TXNDC5: variants seen among roughly 807,000 people sequenced by gnomAD.
The protein encoded by TXNDC5 is thioredoxin domain-containing protein 5.
TXNDC5 carries 44 observed loss-of-function variants against 52.6 expected under a neutral mutation model. The observed-to-expected ratio is 0.84, with a 90% CI of 0.66 to 1.08. The LOEUF is 1.08. Ranked by LOEUF, TXNDC5 falls within the 50% of genes least tolerant of loss-of-function variation. The pLI, the probability that TXNDC5 is intolerant of heterozygous loss-of-function variation, is 0.00. For missense variants in TXNDC5, 600 were observed against 565.5 expected, an observed-to-expected ratio of 1.06 and a Z score of -0.62; for synonymous variants, 241 against 234.4, an observed-to-expected ratio of 1.03 and a Z score of -0.26.
chr6:7,892,810 C>G (rs1441351832), intron 4 of TXNDC5, among the ~76,000 whole-genome samples: 1 of 152,242 alleles, frequency 6.6e-6, no homozygotes, highest in African/African-American at 2.4e-5. Context: ...AAACCTCTTT[C>G]CTTTGTAAAT....
chr6:7,905,414 G>GA (rs910224723), intron 1 of TXNDC5, among the ~76,000 whole-genome samples: 1 of 151,274 alleles, frequency 6.6e-6, no homozygotes, highest in Non-Finnish European at 1.5e-5. Flanking sequence ...ATGAGAAGGG[G>GA]AAAAAAAAAG....
At chr6:7,909,970 G>A (rs1345965900) in intron 1 of TXNDC5, 3 of 985,972 alleles carry the variant, frequency 3.0e-6, no homozygotes, top group African/African-American at 1.7e-5. Flanking sequence ...GGAAGTTTGG[G>A]GCGCTGGGCA....
At chr6:7,910,423 G>A in intron 1 of TXNDC5, 91 bp downstream of exon 1, 1 of 1,220,246 alleles carries the variant, frequency 8.2e-7, no homozygotes, top group East Asian at 3.9e-5. Flanking sequence ...GCGTCCACGT[G>A]GCCCCGGGAC....
At chr6:7,909,162 G>C (rs1200679077) in intron 1 of TXNDC5, among the ~76,000 whole-genome samples, 3 of 152,176 alleles carry the variant, frequency 2.0e-5, no homozygotes, top group Non-Finnish European at 4.4e-5. Context: ...CTGAATACAA[G>C]GTTAAGAGAA....
At chr6:7,888,890 G>A (rs1409212081) in intron 6 of TXNDC5, 42 bp from the exon 7 acceptor site, 2 of 1,562,296 alleles carry the variant, frequency 1.3e-6, no homozygotes, top group African/African-American at 1.4e-5. Flanking sequence ...GTCCACTGAG[G>A]TGTTCTGAAT....
At position 7,904,609 on chromosome 6, in the gene TXNDC5, G is replaced by A. The variant is rs138364696; in HGVS notation, c.378C>T (p.Asp126=). The A allele has an allele frequency of 6.8e-6, 11 of 1,614,090 alleles. No homozygotes were observed. Among genetic ancestry groups the A allele is most frequent in the African/African-American group, 4.0e-5 (3 of 74,930 alleles). ...CTCGCACCCCCTGGGCGGAGCACAC[G>A]TCGGAGTGGGCCGTGCAGTCCACTT... The part of the protein sequence containing the change: ...VAKVDCTAHS[D]VCSAQGVRGY... Residue 126 remains aspartate, a synonymous_variant, in exon 2 of 10, where the codon GAC becomes GAT. Transcript: ENST00000379757.
At chr6:7,893,852 G>A (rs893629441) in intron 4 of TXNDC5, among the ~76,000 whole-genome samples, 1 of 152,184 alleles carries the variant, frequency 6.6e-6, no homozygotes, top group African/African-American at 2.4e-5. Flanking sequence ...CTTCTAAGGG[G>A]ATTTCTCTCC....
intron 1 of TXNDC5, among the ~76,000 whole-genome samples, chr6:7,910,267 GC>G (rs1760873297): frequency 6.7e-6 from 1 of 149,432 alleles, no homozygotes; most frequent in Non-Finnish European, 1.5e-5. Context: ...GAGCCGCGGC[GC>G]CCGCGCCCCC....
At chr6:7,893,032 G>T (rs1423713870) in intron 4 of TXNDC5, among the ~76,000 whole-genome samples, 2 of 152,060 alleles carry the variant, frequency 1.3e-5, no homozygotes, top group African/African-American at 4.8e-5. Context: ...TTGTTTTCTC[G>T]ATCTGTATTA....
intron 5 of TXNDC5, among the ~76,000 whole-genome samples, chr6:7,890,206 A>C (rs1312544903): frequency 6.6e-6 from 1 of 152,164 alleles, no homozygotes; most frequent in South Asian, 2.1e-4. Context: ...CAACATTTTC[A>C]TGAAACATCT....
intron 3 of TXNDC5, 63 bp from the exon 4 acceptor site, chr6:7,895,265 A>T (rs1184566600): frequency 6.1e-6 from 9 of 1,487,108 alleles, no homozygotes; most frequent in East Asian, 2.4e-5. Flanking sequence ...ACCATCCAGG[A>T]GGTGACTGTG....
Position 7,899,380 on chromosome 6 carries a change from C to T in TXNDC5, c.519+196G>A, listed in dbSNP as rs145543802. On this transcript the variant is annotated intron_variant, in intron 3 of 9. Coordinates refer to ENST00000379757, the MANE Select transcript of TXNDC5 (RefSeq NM_030810.5). ...GACTTTTGTGCACATTTAGGTATTTCCACACCAAAAAGTTTCTGTAAAAGT... is the reference window on the plus strand; with the variant it reads ...GACTTTTGTGCACATTTAGGTATTTTCACACCAAAAAGTTTCTGTAAAAGT... Among the ~76,000 whole-genome samples the T allele has an allele frequency of 5.9e-5, 9 of 152,268 alleles. No homozygotes were observed. In the East Asian group the frequency reaches 1.5e-3, roughly 26 times the overall value.
At chr6:7,896,949 T>C (rs1419329385) in intron 3 of TXNDC5, among the ~76,000 whole-genome samples, 2 of 152,234 alleles carry the variant, frequency 1.3e-5, no homozygotes, top group Non-Finnish European at 2.9e-5. Context: ...AATGATCTTT[T>C]TTTTTATTCT....
Position 7,897,369 on chromosome 6 carries a change from G to T in TXNDC5, c.520-2167C>A, listed in dbSNP as rs1015641795. On this transcript the variant is annotated intron_variant, in intron 3 of 9. Transcript: ENST00000379757. Reference sequence around the variant, plus strand: ...TTATCCCACGTGAATATTAAAAAATGTATGTACTAAGTTACTTAGGTATAC... The same window carrying T: ...TTATCCCACGTGAATATTAAAAAATTTATGTACTAAGTTACTTAGGTATAC... Among the ~76,000 whole-genome samples, 3 of 152,150 alleles carry T rather than the reference G, an allele frequency of 2.0e-5. No homozygotes were observed. In the East Asian group the frequency reaches 5.8e-4, roughly 29 times the overall value.
chr6:7,891,108 T>C (rs554421515), intron 5 of TXNDC5, among the ~76,000 whole-genome samples: 2 of 152,330 alleles, frequency 1.3e-5, no homozygotes, highest in Admixed American at 1.3e-4. Flanking sequence ...ACACTGGATA[T>C]TTCCAGAAAA....
At position 7,882,551 on chromosome 6, in the gene TXNDC5, C is replaced by A. The variant is rs568880503; in HGVS notation, c.*593G>T. ...GTCAGAAGTAACGCTGCTTTCATCA[C>A]GGCTAACCTCTCACACTGAGAGAAG... is the stretch of plus-strand genomic sequence containing the variant. On this transcript the variant is annotated 3_prime_UTR_variant, in exon 10 of 10. Coordinates refer to ENST00000379757, the MANE Select transcript of TXNDC5 (RefSeq NM_030810.5). 1 of 152,712 alleles carries A rather than the reference C, an allele frequency of 6.5e-6. No homozygotes were observed. Among genetic ancestry groups the A allele is most frequent in the African/African-American group, 2.4e-5 (1 of 41,462 alleles). The allele number at this position is 152,712 out of a possible 1,614,324, so 9.5% of individuals were successfully genotyped here.
chr6:7,885,517 ACT>A (rs1230676249), intron 8 of TXNDC5, among the ~76,000 whole-genome samples: 3 of 152,126 alleles, frequency 2.0e-5, no homozygotes, highest in Non-Finnish European at 4.4e-5. Flanking sequence ...GCTCTAACAG[ACT>A]CTACTGGATT....
At chr6:7,888,450 A>T (rs116792428) in intron 7 of TXNDC5, among the ~76,000 whole-genome samples, 3,019 of 152,290 alleles carry the variant, frequency 0.02, 105 homozygotes, top group African/African-American at 0.069. Context: ...TTGACACCAA[A>T]TATTGTCTTG....
At chr6:7,900,431 G>T (rs776449985) in intron 2 of TXNDC5, among the ~76,000 whole-genome samples, 25 of 152,174 alleles carry the variant, frequency 1.6e-4, no homozygotes, top group Non-Finnish European at 3.2e-4. Flanking sequence ...AGGCAAAAAT[G>T]TGACTACCAA....
Sources: allele counts gnomAD v4.1 joint callset (sites outside exome capture counted in the v4.1 genomes callset), GRCh38; gene constraint gnomAD v4.1.1; transcripts MANE v1.5; gene names NCBI Gene and HGNC (gene_info 2026-07-23, HGNC 2026-07-21).